Variants in NAALADL2 observed in about 807,000 individuals in gnomAD.
NAALADL2 encodes N-acetylated alpha-linked acidic dipeptidase like 2.
A neutral mutation model predicts 87.2 loss-of-function variants in NAALADL2; 76 were observed. The observed-to-expected ratio is 0.87, with a 90% CI of 0.72 to 1.05. The LOEUF is 1.05. NAALADL2 is among the 50% of genes least tolerant of loss of function. The probability of loss-of-function intolerance (pLI) is 0.00; values close to 1 mark genes in which losing one functional copy is unlikely to be tolerated. For missense variants in NAALADL2, 1,089 were observed against 945.8 expected (o/e 1.15, Z -1.99); for synonymous variants, 354 against 331.0 (o/e 1.07, Z -0.75).
chr3:175,356,896 C>T (rs1162640573), intron 5 of NAALADL2, among the ~76,000 whole-genome samples: 1 of 152,026 alleles, frequency 6.6e-6, no homozygotes, highest in Non-Finnish European at 1.5e-5. Context: ...CGTATAATTA[C>T]TATTGTTATT....
intron 2 of NAALADL2, among the ~76,000 whole-genome samples, chr3:175,206,677 A>G (rs555674431): frequency 2.6e-5 from 4 of 152,168 alleles, no homozygotes; most frequent in African/African-American, 7.2e-5. Context: ...CATGTAACCA[A>G]ATACCACCTG....
At chr3:175,047,267 T>G (rs1371677535) in intron 1 of NAALADL2, among the ~76,000 whole-genome samples, 1 of 152,154 alleles carries the variant, frequency 6.6e-6, no homozygotes, top group Non-Finnish European at 1.5e-5. Context: ...AAAGTTAACA[T>G]TCACATTGTC....
chr3:175,027,147 C>T (rs1262583121), intron 1 of NAALADL2, among the ~76,000 whole-genome samples: 5 of 152,114 alleles, frequency 3.3e-5, no homozygotes, highest in Admixed American at 6.6e-5. Context: ...TACACCCACA[C>T]ATACACCACT....
chr3:175,154,928 G>A (rs1400123249), intron 2 of NAALADL2, among the ~76,000 whole-genome samples: 1 of 152,084 alleles, frequency 6.6e-6, no homozygotes, highest in Non-Finnish European at 1.5e-5. Context: ...ATTTCAAAAT[G>A]GACAAGAGCA....
At chr3:175,160,014 C>CTTTT (rs1732904695) in intron 2 of NAALADL2, among the ~76,000 whole-genome samples, 23 of 43,666 alleles carry the variant, frequency 5.3e-4, no homozygotes, top group East Asian at 3.0e-3. Context: ...TTTTTTTTTA[C>CTTTT]TTTTAGTAGA....
chr3:175,644,217 A>G (rs944674391), intron 11 of NAALADL2, among the ~76,000 whole-genome samples: 1 of 152,116 alleles, frequency 6.6e-6, no homozygotes, highest in Non-Finnish European at 1.5e-5. Context: ...TGTGTTGAAA[A>G]TATCTGCTCT....
intron 1 of NAALADL2, among the ~76,000 whole-genome samples, chr3:174,882,634 T>TGC (rs1560318667): frequency 1.1e-5 from 1 of 89,560 alleles, no homozygotes; most frequent in African/African-American, 4.1e-5. Flanking sequence ...TATGTGCATA[T>TGC]ACACATATGT....
intron 4 of NAALADL2, among the ~76,000 whole-genome samples, chr3:175,319,988 A>G (rs1233743449): frequency 6.6e-6 from 1 of 152,226 alleles, no homozygotes; most frequent in African/African-American, 2.4e-5. Context: ...ACTCCACTGC[A>G]AAAGTTAATA....
chr3:174,997,036 G>GTA (rs1417000916), intron 1 of NAALADL2, among the ~76,000 whole-genome samples: 1 of 89,846 alleles, frequency 1.1e-5, no homozygotes, highest in Non-Finnish European at 2.2e-5. Flanking sequence ...GTGTGTGTGT[G>GTA]TGTATGTGTA....
At chr3:175,746,545 GCCCT>G (rs1745969677) in intron 12 of NAALADL2, among the ~76,000 whole-genome samples, 1 of 152,086 alleles carries the variant, frequency 6.6e-6, no homozygotes, top group East Asian at 1.9e-4. Context: ...TCAATCCTGG[GCCCT>G]CCCTCAGAAG....
intron 2 of NAALADL2, among the ~76,000 whole-genome samples, chr3:175,195,947 G>A (rs1188667499): frequency 6.6e-6 from 1 of 151,876 alleles, no homozygotes; most frequent in African/African-American, 2.4e-5. Flanking sequence ...CTGATCTAGA[G>A]ACTGAATAAA....
intron 5 of NAALADL2, among the ~76,000 whole-genome samples, chr3:175,357,601 C>A (rs1560423263): frequency 6.6e-6 from 1 of 152,142 alleles, no homozygotes; most frequent in Non-Finnish European, 1.5e-5. Context: ...TTCCATCACT[C>A]ATGTTGACAA....
In NAALADL2 at chr3:175,324,108, A is replaced by G. The variant is rs1041674106; in HGVS notation, c.940-67A>G. On this transcript the variant is annotated intron_variant, in intron 4 of 13. Transcript: ENST00000454872. ...GTCATCTTATCATAGCCACATTGGC[A>G]AAATGGCACTATATGAACTTTTAAT... 3.0e-6 allele frequency: 4 copies of G among 1,320,666 alleles called. No individual in the cohort carries two copies. The African/African-American group carries it at 4.5e-5, about 15-fold the overall frequency. The allele number at this position is 1,320,666 out of a possible 1,614,324, so 81.8% of individuals were successfully genotyped here.
intron 3 of NAALADL2, among the ~76,000 whole-genome samples, chr3:175,248,694 G>A (rs994282799): frequency 3.3e-5 from 5 of 152,116 alleles, no homozygotes; most frequent in South Asian, 2.1e-4. Context: ...AAAGATTGCC[G>A]TGGCCACTGT....
intron 4 of NAALADL2, among the ~76,000 whole-genome samples, chr3:175,322,722 A>G (rs1156677923): frequency 2.0e-5 from 3 of 147,810 alleles, no homozygotes; most frequent in Non-Finnish European, 4.5e-5. Flanking sequence ...ATGCAGCCAA[A>G]AAACACATGA....
At chr3:174,717,277 T>A (rs1344197186) in intron 2 of NAALADL2, among the ~76,000 whole-genome samples, 1 of 152,108 alleles carries the variant, frequency 6.6e-6, no homozygotes, top group African/African-American at 2.4e-5. Flanking sequence ...GAGAGACTCA[T>A]TATAAAGCTG....
At chr3:175,075,996 G>A (rs1167383451) in intron 1 of NAALADL2, among the ~76,000 whole-genome samples, 1 of 152,106 alleles carries the variant, frequency 6.6e-6, no homozygotes, top group African/African-American at 2.4e-5. Flanking sequence ...AGGAGGCCGA[G>A]GTAGGGGGAT....
intron 10 of NAALADL2, among the ~76,000 whole-genome samples, chr3:175,622,520 C>G (rs527939523): frequency 1.3e-5 from 2 of 152,076 alleles, no homozygotes; most frequent in Non-Finnish European, 2.9e-5. Flanking sequence ...CTGGCTTTAT[C>G]TGAGTACTTG....
Position 174,642,527 on chromosome 3 carries a change from G to A in NAALADL2, c.-115+91890G>A, listed in dbSNP as rs529941580. Reference sequence around the variant, plus strand: ...GGGGATAAAAAAAAAAAAAAAAAAAGCATGTTGCCACACAGGGTATCTATC... The same window carrying A: ...GGGGATAAAAAAAAAAAAAAAAAAAACATGTTGCCACACAGGGTATCTATC... On this transcript the variant is annotated intron_variant, in intron 2 of 3. Coordinates refer to the NAALADL2 transcript ENST00000434257. 3.0e-3 allele frequency among the ~76,000 whole-genome samples: 400 copies of A among 132,588 alleles called. 1 individual carries two copies. Among genetic ancestry groups the A allele is most frequent in the Middle Eastern group, 7.9e-3 (2 of 254 alleles). 87.0% of individuals were successfully genotyped at this position (132,588 alleles called of 152,430 possible). A position where few individuals can be genotyped will look rare whatever the true frequency, so the allele number is the denominator to read the frequency against.
Sources: gnomAD v4.1 joint callset for allele counts (sites outside exome capture counted in the v4.1 genomes callset) on GRCh38, gnomAD v4.1.1 for gene constraint, MANE v1.5 for transcripts, NCBI Gene and HGNC (gene_info 2026-07-23, HGNC 2026-07-21) for gene names.